The following TMPRSS6 variants were observed in gnomAD, a reference collection of about 807,000 sequenced individuals.
TMPRSS6 encodes the protein transmembrane protease serine 6.
A neutral mutation model predicts 101.5 loss-of-function variants in TMPRSS6; 67 were observed. The ratio of observed to expected loss-of-function variants is 0.66; its 90% confidence interval spans 0.54 to 0.81. TMPRSS6 has a LOEUF of 0.81. TMPRSS6 is among the 30% of genes least tolerant of loss of function. TMPRSS6 has a pLI of 0.00. For missense variants in TMPRSS6, 1,034 were observed against 1,088.7 expected (o/e 0.95, Z 0.71); for synonymous variants, 453 against 464.9 (o/e 0.97, Z 0.33).
chr22:37,098,551 T>C lies in TMPRSS6; in HGVS notation c.203-2A>G, dbSNP rs1232272714. ...TGACCATCACCTCCGCCTTGTACCCTGCCCAGGAAGGAACCAGCAGGGTTA... is the reference window on the plus strand; with the variant it reads ...TGACCATCACCTCCGCCTTGTACCCCGCCCAGGAAGGAACCAGCAGGGTTA... On this transcript the variant is annotated splice_acceptor_variant, in intron 2 of 17. Coordinates refer to ENST00000676104, the MANE Select transcript of TMPRSS6 (RefSeq NM_001374504.1). LOFTEE classifies it high-confidence loss of function. 6.2e-7 allele frequency: 1 copy of C among 1,614,176 alleles called. No homozygotes were observed. Among genetic ancestry groups the C allele is most frequent in the African/African-American group, 1.3e-5 (1 of 75,056 alleles).
chr22:37,096,088 T>C lies in TMPRSS6; in HGVS notation c.407A>G (p.Glu136Gly). The change falls in exon 5 of 18, where the codon GAG (glutamate) becomes GGG (glycine). Residue 136 changes from glutamate to glycine, a missense_variant and splice_region_variant. Transcript: ENST00000676104. ...YNSSSVYSFG[E>G]GPLTCFFWFI... ...CCAGAAGAAGCAGGTGAGGGGTCCCTCCCTAAGGCAGGCAGAAGTGAGAGA... is the reference window on the plus strand; with the variant it reads ...CCAGAAGAAGCAGGTGAGGGGTCCCCCCCTAAGGCAGGCAGAAGTGAGAGA... 1.2e-6 allele frequency: 2 copies of C among 1,614,038 alleles called. No individual in the cohort carries two copies. Among genetic ancestry groups the C allele is most frequent in the Non-Finnish European group, 1.7e-6 (2 of 1,180,008 alleles).
intron 6 of TMPRSS6, among the ~76,000 whole-genome samples, chr22:37,092,153 A>G (rs1390593391): frequency 6.6e-6 from 1 of 151,410 alleles, no homozygotes; most frequent in East Asian, 1.9e-4. Context: ...GTTAATCAGA[A>G]ACACCTTCAG....
At chr22:37,071,972 G>A (rs779061043) in intron 13 of TMPRSS6, among the ~76,000 whole-genome samples, 7 of 148,968 alleles carry the variant, frequency 4.7e-5, no homozygotes, top group Non-Finnish European at 8.9e-5. Context: ...GATGGATGAT[G>A]GATGGATGGA....
In TMPRSS6 at chr22:37,103,802, C is replaced by T; in HGVS notation, c.-1-384G>A. The T allele has an allele frequency of 1.7e-6, 1 of 589,990 alleles. No individual in the cohort carries two copies. Among genetic ancestry groups the T allele is most frequent in the South Asian group, 2.0e-5 (1 of 50,912 alleles). 36.5% of individuals were successfully genotyped at this position (589,990 alleles called of 1,614,324 possible). A position where few individuals can be genotyped will look rare whatever the true frequency, so the allele number is the denominator to read the frequency against. On this transcript the variant is annotated intron_variant, in intron 1 of 17. Transcript: ENST00000676104. This position sits in a 1 kb window ranked among gnomAD's most constrained non-coding sequence, Gnocchi z 4.4. The stretch of plus-strand genomic sequence containing the variant: ...ACTTCTGTAGACATCTGACCTCTTG[C>T]CCTCATTTCCCGTCCACGCAAGGAA...
intron 1 of TMPRSS6, among the ~76,000 whole-genome samples, chr22:37,108,658 T>G (rs138718601): frequency 6.6e-6 from 1 of 152,210 alleles, no homozygotes; most frequent in African/African-American, 2.4e-5. Context: ...GTGCCAGCCC[T>G]GTGCTGGGCA....
intron 11 of TMPRSS6, 110 bp from the exon 12 acceptor site, chr22:37,074,818 C>T (rs1302833061): frequency 1.8e-6 from 2 of 1,128,758 alleles, no homozygotes; most frequent in Admixed American, 3.9e-5. Flanking sequence ...CGCGCATGGA[C>T]AGGCACCCAC....
chr22:37,103,858 G>A lies in TMPRSS6; in HGVS notation c.-1-440C>T, dbSNP rs753390126. On this transcript the variant is annotated intron_variant, in intron 1 of 17. Coordinates refer to ENST00000676104, the MANE Select transcript of TMPRSS6 (RefSeq NM_001374504.1). The surrounding 1 kb of genome is among the most constrained non-coding windows in gnomAD (Gnocchi z 4.4). Reference sequence around the variant, plus strand: ...TTTCTTGCTCCTGGTTCTGGTTCACGGAGCTTCCCACCACGCCCACACAGT... The same window carrying A: ...TTTCTTGCTCCTGGTTCTGGTTCACAGAGCTTCCCACCACGCCCACACAGT... 2.6e-5 allele frequency among the ~76,000 whole-genome samples: 4 copies of A among 152,062 alleles called. No individual in the cohort carries two copies. Among genetic ancestry groups the A allele is most frequent in the Non-Finnish European group, 5.9e-5 (4 of 68,010 alleles).
chr22:37,103,337 C>T lies in TMPRSS6; in HGVS notation c.81G>A (p.Met27Ile), dbSNP rs762836792. 1.2e-6 allele frequency: 2 copies of T among 1,614,096 alleles called. No individual in the cohort carries two copies. The highest frequency in any genetic ancestry group is 2.7e-5 in the African/African-American group (2 of 74,938). Residue 27 changes from methionine to isoleucine, a missense_variant, in exon 2 of 18, where the codon ATG becomes ATA. By Grantham distance (10) the Met-to-Ile change is conservative. Coordinates refer to ENST00000676104, the MANE Select transcript of TMPRSS6 (RefSeq NM_001374504.1). This position sits in a 1 kb window ranked among gnomAD's most constrained non-coding sequence, Gnocchi z 4.4. ...GDGEEAEPEG[M>I]FKACEDSKRK... ...TCTTGGAGTCCTCACAGGCCTTGAA[C>T]ATCCCCTCCGGCTCCGCTTCCTCGC... is the stretch of plus-strand genomic sequence containing the variant.
chr22:37,083,278 C>T (rs974410601), intron 10 of TMPRSS6, among the ~76,000 whole-genome samples: 6 of 152,068 alleles, frequency 3.9e-5, no homozygotes, highest in African/African-American at 1.2e-4. Flanking sequence ...GCTCTGCCAT[C>T]GCTGCTTCAA....
At chr22:37,089,039 CT>C (rs754327967) in intron 7 of TMPRSS6, among the ~76,000 whole-genome samples, 1 of 152,174 alleles carries the variant, frequency 6.6e-6, no homozygotes, top group Non-Finnish European at 1.5e-5. Flanking sequence ...ATTGCTAGAA[CT>C]TGCAAAGCAG....
At chr22:37,070,411 C>T in intron 15 of TMPRSS6, 73 bp downstream of exon 15, 1 of 1,586,748 alleles carries the variant, frequency 6.3e-7, no homozygotes, top group Non-Finnish European at 8.6e-7. Context: ...AGAGCTCAGA[C>T]ACAGTGCACC....
At chr22:37,075,358 C>T in intron 10 of TMPRSS6, 78 bp from the exon 11 acceptor site, 1 of 1,587,698 alleles carries the variant, frequency 6.3e-7, no homozygotes, top group Non-Finnish European at 8.6e-7. Context: ...CAAGGACAGG[C>T]AGCCAGAGGG....
chr22:37,086,249 C>T (rs113287112), intron 8 of TMPRSS6, 34 bp downstream of exon 8: 38,317 of 1,613,946 alleles, frequency 0.024, 559 homozygotes, highest in Non-Finnish European at 0.028. Context: ...CTACCACCAC[C>T]CCTCCCCTGC....
chr22:37,066,768 G>A, intron 17 of TMPRSS6, 58 bp downstream of exon 17: 1 of 1,611,482 alleles, frequency 6.2e-7, no homozygotes, highest in Non-Finnish European at 8.5e-7. Context: ...CCAGACCCTG[G>A]TGATGTGGGC....
Position 37,066,001 on chromosome 22 carries a change from T to C in TMPRSS6, c.*79A>G. 1.3e-6 allele frequency: 2 copies of C among 1,546,326 alleles called. No homozygotes were observed. The highest frequency in any genetic ancestry group is 8.9e-7 in the Non-Finnish European group (1 of 1,124,692). On this transcript the variant is annotated 3_prime_UTR_variant, in exon 18 of 18. Coordinates refer to ENST00000676104, the MANE Select transcript of TMPRSS6 (RefSeq NM_001374504.1). The stretch of plus-strand genomic sequence containing the variant: ...CTCTCTCCCCCACCCCCCGCCAGAA[T>C]ACTTGTCCCCCTGCTTGGCAGTTGC...
chr22:37,094,432 A>ATAGAG (rs1929566148), intron 6 of TMPRSS6, among the ~76,000 whole-genome samples: 1 of 134,908 alleles, frequency 7.4e-6, no homozygotes, highest in Non-Finnish European at 1.6e-5. Context: ...GATAGATATA[A>ATAGAG]ACAGACAGCT....
At chr22:37,078,955 A>C (rs912908518) in intron 10 of TMPRSS6, among the ~76,000 whole-genome samples, 1 of 110,424 alleles carries the variant, frequency 9.1e-6, no homozygotes. Context: ...GAAGGAGAAA[A>C]AGAGAAAGAA....
intron 10 of TMPRSS6, among the ~76,000 whole-genome samples, 199 bp from the exon 11 acceptor site, chr22:37,075,479 C>T (rs1306574359): frequency 6.6e-6 from 1 of 152,248 alleles, no homozygotes; most frequent in East Asian, 1.9e-4. Flanking sequence ...CACTGCCCTG[C>T]TCAAAAATCT....
At position 37,069,260 on chromosome 22, in the gene TMPRSS6, C is replaced by A. The variant is rs1163726076; in HGVS notation, c.1926G>T (p.Val642=). The part of the protein sequence containing the change: ...SRWPGEVSFK[V]SRLLLHPYHE... ...GGTACGGGTGCAGGAGCAGGCGGCT[C>A]ACCTTGAAGGACACCTCTCCAGGCC... Residue 642 remains valine (V), a synonymous_variant, in exon 16 of 18, where the codon GTG becomes GTT. Coordinates refer to ENST00000676104, the MANE Select transcript of TMPRSS6 (RefSeq NM_001374504.1). The surrounding 1 kb of genome is among the most constrained non-coding windows in gnomAD (Gnocchi z 4.8). 3 of 1,611,262 alleles carry A rather than the reference C, an allele frequency of 1.9e-6. No homozygotes were observed. Among genetic ancestry groups the A allele is most frequent in the Non-Finnish European group, 2.5e-6 (3 of 1,179,508 alleles).
Sources: allele counts gnomAD v4.1 joint callset (sites outside exome capture counted in the v4.1 genomes callset), GRCh38; gene constraint gnomAD v4.1.1; non-coding constraint Gnocchi (gnomAD v3.1); transcripts MANE v1.5; gene names NCBI Gene and HGNC (gene_info 2026-07-23, HGNC 2026-07-21).